The following SV2B variants were observed in gnomAD, a reference collection of about 807,000 sequenced individuals.
SV2B encodes the protein solute carrier family 22 member B2.
A neutral mutation model predicts 73.9 loss-of-function variants in SV2B; 41 were observed. The observed-to-expected ratio is 0.56, with a 90% CI of 0.43 to 0.72. SV2B has a LOEUF of 0.72. SV2B is among the 30% of genes least tolerant of loss of function. The pLI is 0.00. For synonymous variants in SV2B, 314 were observed against 314.2 expected, an observed-to-expected ratio of 1.00 and a Z score of 0.01; for missense variants, 764 against 857.8, an observed-to-expected ratio of 0.89 and a Z score of 1.37.
intron 11 of SV2B, among the ~76,000 whole-genome samples, chr15:91,286,508 A>C (rs963279308): frequency 6.6e-6 from 1 of 152,200 alleles, no homozygotes; most frequent in African/African-American, 2.4e-5. Context: ...TGCAACAGTA[A>C]TTGAGACAGA....
upstream of SV2B, chr15:91,100,126 T>C (rs1009555803): frequency 2.0e-5 from 3 of 152,068 alleles, no homozygotes; most frequent in Admixed American, 6.5e-5. The surrounding 1 kb of genome is among the most constrained non-coding windows in gnomAD (Gnocchi z 6.4). Context: ...TCCCGCTGAG[T>C]AGAGGACCCA....
chr15:91,244,622 T>C (rs945996492), intron 2 of SV2B, among the ~76,000 whole-genome samples: 5 of 152,212 alleles, frequency 3.3e-5, no homozygotes, highest in Admixed American at 6.5e-5. Flanking sequence ...GATACCCTGA[T>C]GTTCCTCCAT....
intron 1 of SV2B, among the ~76,000 whole-genome samples, chr15:91,120,858 T>C (rs2042314851): frequency 6.6e-6 from 1 of 151,454 alleles, no homozygotes; most frequent in Non-Finnish European, 1.5e-5. Context: ...ATTTCACTTA[T>C]AGAGAACTTA....
intron 1 of SV2B, among the ~76,000 whole-genome samples, chr15:91,165,695 T>C (rs2043889697): frequency 6.6e-6 from 1 of 152,198 alleles, no homozygotes; most frequent in Admixed American, 6.5e-5. Context: ...CTTCATAGAC[T>C]TACATTGTCT....
In SV2B at chr15:91,298,347, G is replaced by A. The variant is rs949312311; in HGVS notation, c.*5795G>A. 2.0e-5 allele frequency: 3 copies of A among 152,158 alleles called. No homozygotes were observed. Among genetic ancestry groups the A allele is most frequent in the African/African-American group, 4.8e-5 (2 of 41,436 alleles). The allele number at this position is 152,158 out of a possible 1,614,324, so 9.4% of individuals were successfully genotyped here. On this transcript the variant is annotated 3_prime_UTR_variant, in exon 13 of 13. Coordinates refer to ENST00000394232, the MANE Select transcript of SV2B (RefSeq NM_001323032.3). This position sits in a 1 kb window ranked among gnomAD's most constrained non-coding sequence, Gnocchi z 5.4. ...GCATTTAGGCCCAGCTCTAAGAACC[G>A]TTTGGAAATAAATCACATAGAGCCT...
At chr15:91,191,219 C>T (rs1176633703) in intron 1 of SV2B, among the ~76,000 whole-genome samples, 1 of 151,650 alleles carries the variant, frequency 6.6e-6, no homozygotes, top group Non-Finnish European at 1.5e-5. Flanking sequence ...GCACTGGCCA[C>T]CACACCCAGC....
chr15:91,217,869 G>T (rs958837846), intron 1 of SV2B, among the ~76,000 whole-genome samples: 1 of 152,342 alleles, frequency 6.6e-6, no homozygotes, highest in African/African-American at 2.4e-5. Flanking sequence ...TTATGGCAGG[G>T]ATGGGACTAT....
At chr15:91,102,483 T>A (rs2041757858) in intron 1 of SV2B, among the ~76,000 whole-genome samples, 1 of 152,080 alleles carries the variant, frequency 6.6e-6, no homozygotes, top group Non-Finnish European at 1.5e-5. Flanking sequence ...TGGCACAAAG[T>A]AGGTGCTCAA....
rs541395363 is a variant in SV2B, at chr15:91,294,905, G to C, written c.*2353G>C. On this transcript the variant is annotated 3_prime_UTR_variant, in exon 13 of 13. Coordinates refer to ENST00000394232, the MANE Select transcript of SV2B (RefSeq NM_001323032.3). This position sits in a 1 kb window ranked among gnomAD's most constrained non-coding sequence, Gnocchi z 4.1. ...ATCCATCACTCAGGTCTTTGTAAAG[G>C]GTGCAGCCAAGCTCTGCAGACTTTT... 1 of 152,556 alleles carries C rather than the reference G, an allele frequency of 6.6e-6. No homozygotes were observed. Among genetic ancestry groups the C allele is most frequent in the African/African-American group, 2.4e-5 (1 of 41,408 alleles). The allele number at this position is 152,556 out of a possible 1,614,324, so 9.5% of individuals were successfully genotyped here.
At chr15:91,212,898 A>C (rs146963253) in intron 1 of SV2B, among the ~76,000 whole-genome samples, 2,247 of 151,960 alleles carry the variant, frequency 0.015, 29 homozygotes, top group Non-Finnish European at 0.024. Context: ...CCCAGCACTA[A>C]GGTAGCCCGA....
intron 1 of SV2B, among the ~76,000 whole-genome samples, chr15:91,176,585 A>G (rs148082137): frequency 0.025 from 3,768 of 152,170 alleles, 65 homozygotes; most frequent in Non-Finnish European, 0.039. Context: ...TCGCCATTGT[A>G]ACTGGTGTGA....
At chr15:91,292,233 A>C (rs1412317025) in intron 12 of SV2B, 136 bp from the exon 13 acceptor site, 8 of 731,088 alleles carry the variant, frequency 1.1e-5, no homozygotes, top group African/African-American at 3.6e-5. Context: ...CTACAATGAG[A>C]ATGTGTTATT....
rs2042820421 is a variant in SV2B at position 91,136,236 on chromosome 15, T to C, written c.-392+35873T>C. On this transcript the variant is annotated intron_variant, in intron 1 of 12. Transcript: ENST00000394232. This position sits in a 1 kb window ranked among gnomAD's most constrained non-coding sequence, Gnocchi z 5.6. ...AGAACTTAGCAGGATGCCATTCAGG[T>C]GGGCATACTCAGATGCAGTGTAGCA... 6.6e-6 allele frequency among the ~76,000 whole-genome samples: 1 copy of C among 152,142 alleles called. No individual in the cohort carries two copies. The highest frequency in any genetic ancestry group is 2.1e-4 in the South Asian group (1 of 4,824).
Position 91,292,619 on chromosome 15 carries a change from C to T in SV2B, c.*67C>T, listed in dbSNP as rs1237244957. ...GGACACTGAAATGCATCCACACTTCCTGCCTATCACGGTCCGGAGGACACC... is the reference window on the plus strand; with the variant it reads ...GGACACTGAAATGCATCCACACTTCTTGCCTATCACGGTCCGGAGGACACC... On this transcript the variant is annotated 3_prime_UTR_variant, in exon 13 of 13. Coordinates refer to ENST00000394232, the MANE Select transcript of SV2B (RefSeq NM_001323032.3). 7.1e-6 allele frequency: 11 copies of T among 1,542,572 alleles called. No individual in the cohort carries two copies. The highest frequency in any genetic ancestry group is 2.4e-4 in the Middle Eastern group (1 of 4,190).
intron 7 of SV2B, 113 bp downstream of exon 7, chr15:91,266,805 G>T: frequency 2.4e-6 from 2 of 826,126 alleles, no homozygotes; most frequent in Admixed American, 3.0e-5. Context: ...CAGCGTGATG[G>T]AGAGGAAGCA....
chr15:91,216,336 C>T (rs974767591), intron 1 of SV2B, among the ~76,000 whole-genome samples: 1 of 152,138 alleles, frequency 6.6e-6, no homozygotes, highest in African/African-American at 2.4e-5. Flanking sequence ...AACCACTGCA[C>T]CCCCAGCAAT....
chr15:91,107,697 C>A (rs1311217529), intron 1 of SV2B, among the ~76,000 whole-genome samples: 1 of 152,116 alleles, frequency 6.6e-6, no homozygotes, highest in Non-Finnish European at 1.5e-5. Context: ...GCAGCCTTGA[C>A]CTCCCGGGCT....
intron 1 of SV2B, among the ~76,000 whole-genome samples, chr15:91,218,589 G>A (rs943766627): frequency 6.6e-6 from 1 of 152,112 alleles, no homozygotes; most frequent in Admixed American, 6.5e-5. Flanking sequence ...ATATAAAATA[G>A]AATTACAATA....
chr15:91,275,383 A>G lies in SV2B; in HGVS notation c.1374-6345A>G, dbSNP rs117080796. On this transcript the variant is annotated intron_variant, in intron 9 of 12. Transcript: ENST00000394232. ...ATTCTATTACTTCACTTTTAGTGTA[A>G]GAGCCTTACAACAGAACACTCATTT... Among the ~76,000 whole-genome samples, 206 of 152,308 alleles carry G rather than the reference A, an allele frequency of 1.4e-3. 2 individuals are homozygous for G. Among genetic ancestry groups the G allele is most frequent in the Admixed American group, 2.7e-3 (42 of 15,300 alleles).
Sources: allele counts gnomAD v4.1 joint callset (sites outside exome capture counted in the v4.1 genomes callset), GRCh38; gene constraint gnomAD v4.1.1; non-coding constraint Gnocchi (gnomAD v3.1); transcripts MANE v1.5; gene names NCBI Gene and HGNC (gene_info 2026-07-23, HGNC 2026-07-21).